STX8: variants seen among roughly 807,000 people sequenced by gnomAD.
The protein encoded by STX8 is syntaxin-8.
STX8 carries 23 observed loss-of-function variants against 37.5 expected under a neutral mutation model. The observed-to-expected ratio is 0.61, with a 90% CI of 0.44 to 0.87. The LOEUF is 0.87. Among genes scored for constraint, STX8 ranks in the 40% least tolerant of loss-of-function variants. STX8 has a pLI of 0.00. For missense variants in STX8, 313 were observed against 284.7 expected (o/e 1.10, Z -0.71); for synonymous variants, 115 against 99.1 (o/e 1.16, Z -0.95).
intron 4 of STX8, among the ~76,000 whole-genome samples, chr17:9,527,518 G>A (rs974702151): frequency 3.9e-5 from 6 of 152,094 alleles, no homozygotes; most frequent in African/African-American, 9.7e-5. Context: ...TCTTCTTCCC[G>A]TTTATTCAGA....
intron 7 of STX8, among the ~76,000 whole-genome samples, chr17:9,326,578 C>T (rs1261801941): frequency 6.6e-6 from 1 of 152,172 alleles, no homozygotes; most frequent in East Asian, 1.9e-4. Context: ...AAGTTGGACT[C>T]TGGTGGAGTT....
At chr17:9,561,239 A>T (rs1907218972) in intron 2 of STX8, among the ~76,000 whole-genome samples, 1 of 152,212 alleles carries the variant, frequency 6.6e-6, no homozygotes, top group Non-Finnish European at 1.5e-5. Flanking sequence ...TTTCAAATAA[A>T]ATTTAAAAAC....
intron 6 of STX8, among the ~76,000 whole-genome samples, chr17:9,466,639 T>C (rs914095619): frequency 2.0e-5 from 3 of 152,206 alleles, no homozygotes; most frequent in African/African-American, 7.2e-5. Flanking sequence ...TATAGTGATA[T>C]TAAATCCCCA....
At chr17:9,474,155 G>A (rs764925867) in intron 6 of STX8, among the ~76,000 whole-genome samples, 7 of 151,812 alleles carry the variant, frequency 4.6e-5, no homozygotes, top group Non-Finnish European at 7.4e-5. Context: ...AGGAGAGGGT[G>A]ATACATGGAG....
chr17:9,399,341 A>C (rs1274265380), intron 6 of STX8, among the ~76,000 whole-genome samples: 1 of 152,144 alleles, frequency 6.6e-6, no homozygotes, highest in African/African-American at 2.4e-5. Context: ...ATTCATCCTT[A>C]GGCTGGCATG....
At chr17:9,462,487 C>T (rs181577376) in intron 6 of STX8, among the ~76,000 whole-genome samples, 7 of 152,184 alleles carry the variant, frequency 4.6e-5, no homozygotes, top group South Asian at 2.1e-4. Context: ...TTTGGGAGGC[C>T]GAGGTGGGAG....
At chr17:9,545,129 G>C in intron 4 of STX8, 43 bp downstream of exon 4, 1 of 1,368,374 alleles carries the variant, frequency 7.3e-7, no homozygotes, top group Non-Finnish European at 1.0e-6. Flanking sequence ...CTGCAAAGAA[G>C]TCTTCGCCCA....
chr17:9,544,447 T>C (rs1341452099), intron 4 of STX8, among the ~76,000 whole-genome samples: 1 of 152,006 alleles, frequency 6.6e-6, no homozygotes, highest in Non-Finnish European at 1.5e-5. Flanking sequence ...CCAACTCCTT[T>C]GCCTCTGTGA....
chr17:9,250,740 T>A, intron 7 of STX8, 95 bp from the exon 8 acceptor site: 36 of 1,248,474 alleles, frequency 2.9e-5, no homozygotes, highest in Non-Finnish European at 3.5e-5. Flanking sequence ...AGGGATGTAG[T>A]TCCCTCTGAG....
chr17:9,567,320 A>C (rs1019822216), intron 2 of STX8, among the ~76,000 whole-genome samples: 1 of 152,310 alleles, frequency 6.6e-6, no homozygotes, highest in Admixed American at 6.5e-5. Flanking sequence ...AATTCTAATA[A>C]CTTTGGAACA....
intron 4 of STX8, among the ~76,000 whole-genome samples, chr17:9,519,369 T>A (rs12453113): frequency 0.74 from 112,790 of 151,742 alleles, 43,692 homozygotes; most frequent in East Asian, 0.99. Flanking sequence ...GCCATTTTTT[T>A]TTTTTTGGTC....
chr17:9,406,096 TTCTTA>T (rs1208192970), intron 6 of STX8, among the ~76,000 whole-genome samples: 3 of 152,232 alleles, frequency 2.0e-5, no homozygotes, highest in Non-Finnish European at 4.4e-5. Context: ...GTATTTCCTT[TTCTTA>T]TAATTATCCT....
chr17:9,514,766 C>T (rs1905118055), intron 4 of STX8, among the ~76,000 whole-genome samples: 1 of 152,152 alleles, frequency 6.6e-6, no homozygotes, highest in Non-Finnish European at 1.5e-5. Context: ...TTCTTCTAGC[C>T]TTGTTCACAT....
intron 4 of STX8, among the ~76,000 whole-genome samples, chr17:9,516,484 G>A (rs9903166): frequency 0.07 from 10,582 of 151,410 alleles, 1,288 homozygotes; most frequent in African/African-American, 0.24. Context: ...AGGCTGAACT[G>A]TCTAACTCCA....
chr17:9,300,830 C>CTTTTTTTTTTTTTTTTTT (rs1164799565), intron 7 of STX8, among the ~76,000 whole-genome samples: 1 of 90,908 alleles, frequency 1.1e-5, no homozygotes, highest in African/African-American at 4.2e-5. Context: ...TTATTTTGTT[C>CTTTTTTTTTTTTTTTTTT]TTTTTTTTTT....
At chr17:9,476,429 C>T (rs532622865) in intron 6 of STX8, among the ~76,000 whole-genome samples, 2 of 151,892 alleles carry the variant, frequency 1.3e-5, no homozygotes, top group South Asian at 2.1e-4. Flanking sequence ...TAGATGTGAG[C>T]GGAAGTTGTT....
chr17:9,489,977 C>T lies in STX8; in HGVS notation c.541+1852G>A, dbSNP rs1241134666. Among the ~76,000 whole-genome samples, 8 of 152,186 alleles carry T rather than the reference C, an allele frequency of 5.3e-5. No individual in the cohort carries two copies. In the East Asian group the frequency reaches 1.4e-3, roughly 26 times the overall value. ...TGCTGTGATTACAGGAATGAGCCAC[C>T]GTGCCCGGCCTATAAAGCTTACTTT... is the stretch of plus-strand genomic sequence containing the variant. On this transcript the variant is annotated intron_variant, in intron 6 of 7. Transcript: ENST00000306357.
At chr17:9,384,794 T>TTGTGTGTGTGTG (rs59655296) in intron 6 of STX8, among the ~76,000 whole-genome samples, 5,670 of 147,684 alleles carry the variant, frequency 0.038, 224 homozygotes, top group African/African-American at 0.1. Context: ...CCAGATAGAC[T>TTGTGTGTGTGTG]TGTGTGTGTG....
intron 6 of STX8, among the ~76,000 whole-genome samples, chr17:9,402,276 T>C (rs1912652185): frequency 6.6e-6 from 1 of 152,028 alleles, no homozygotes; most frequent in African/African-American, 2.4e-5. Context: ...TGCACCACCA[T>C]GTCTGGCAAA....
Sources: allele counts gnomAD v4.1 joint callset (sites outside exome capture counted in the v4.1 genomes callset), GRCh38; gene constraint gnomAD v4.1.1; transcripts MANE v1.5; gene names NCBI Gene and HGNC (gene_info 2026-07-23, HGNC 2026-07-21).